Variants in BRWD1 observed in about 807,000 individuals in gnomAD.
BRWD1 encodes bromodomain and WD repeat domain containing 1.
BRWD1 carries 82 observed loss-of-function variants against 251.2 expected under a neutral mutation model. That is an observed-to-expected ratio of 0.33 (90% CI 0.27 to 0.39). The LOEUF is 0.39. Ranked by LOEUF, BRWD1 falls within the 10% of genes least tolerant of loss-of-function variation. BRWD1 has a pLI of 1.00. For missense variants in BRWD1, 2,233 were observed against 2,711.6 expected, an observed-to-expected ratio of 0.82 and a Z score of 3.92; for synonymous variants, 918 against 902.8, an observed-to-expected ratio of 1.02 and a Z score of -0.30.
intron 18 of BRWD1, among the ~76,000 whole-genome samples, chr21:39,256,636 C>T (rs1340550966): frequency 6.6e-6 from 1 of 152,128 alleles, no homozygotes; most frequent in African/African-American, 2.4e-5. Flanking sequence ...TAGGAGGCTG[C>T]GCAACCTCCC....
intron 8 of BRWD1, among the ~76,000 whole-genome samples, chr21:39,293,087 A>ACT (rs544132572): frequency 5.4e-4 from 82 of 152,342 alleles, no homozygotes; most frequent in African/African-American, 1.8e-3. Flanking sequence ...AGCAGTTAGG[A>ACT]AAGAATTGGC....
chr21:39,305,655 GAGAT>G (rs2036261939), intron 4 of BRWD1, among the ~76,000 whole-genome samples: 1 of 152,100 alleles, frequency 6.6e-6, no homozygotes, highest in African/African-American at 2.4e-5. Flanking sequence ...ACAAGGTCAA[GAGAT>G]AGAGACCATC....
Position 39,194,907 on chromosome 21 carries a change from G to A in BRWD1, c.*1352C>T. 6.6e-7 allele frequency: 1 copy of A among 1,516,946 alleles called. No homozygotes were observed. The highest frequency in any genetic ancestry group is 8.8e-7 in the Non-Finnish European group (1 of 1,136,866). 94.0% of individuals were successfully genotyped at this position (1,516,946 alleles called of 1,614,324 possible). On this transcript the variant is annotated 3_prime_UTR_variant, in exon 41 of 41. Coordinates refer to ENST00000342449, the MANE Select transcript of BRWD1 (RefSeq NM_033656.4). The stretch of plus-strand genomic sequence containing the variant: ...ATTAGGGCTAATAAATAACTTACAG[G>A]TGGGGTACTGTAACATATCCCTTAC...
Position 39,247,704 on chromosome 21 carries a change from T to G in BRWD1, c.2478A>C (p.Arg826Ser). 1 of 1,607,232 alleles carries G rather than the reference T, an allele frequency of 6.2e-7. No homozygotes were observed. The highest frequency in any genetic ancestry group is 8.5e-7 in the Non-Finnish European group (1 of 1,178,144). ...SSGNESSSSV[R>S]HETSCDQSEG... ...CATTTTAAAGTTTTCCACTCACATG[T>G]CTTACAGAGCTTGAAGACTCATTTC... Residue 826 changes from arginine to serine, a missense_variant, in exon 21 of 41, where the codon AGA becomes AGC. By Grantham distance (110) the Arg-to-Ser change is moderately radical (BLOSUM62 -1). Coordinates refer to ENST00000342449, the MANE Select transcript of BRWD1 (RefSeq NM_033656.4).
At chr21:39,204,861 C>T (rs1002998664) in intron 37 of BRWD1, among the ~76,000 whole-genome samples, 2 of 152,172 alleles carry the variant, frequency 1.3e-5, no homozygotes, top group Admixed American at 6.5e-5. Context: ...ACGGATCTGA[C>T]AGCAGACAGA....
chr21:39,265,872 G>C (rs1428199157), intron 15 of BRWD1, among the ~76,000 whole-genome samples: 2 of 152,138 alleles, frequency 1.3e-5, no homozygotes, highest in East Asian at 3.8e-4. Flanking sequence ...TTTCAGAAAG[G>C]ATGCTCTAAG....
intron 8 of BRWD1, among the ~76,000 whole-genome samples, chr21:39,285,411 C>A (rs929780754): frequency 2.0e-5 from 3 of 152,056 alleles, no homozygotes; most frequent in African/African-American, 7.2e-5. Flanking sequence ...TTCCATTACA[C>A]AGTAAGGTGA....
intron 31 of BRWD1, among the ~76,000 whole-genome samples, chr21:39,217,876 A>C (rs1043881462): frequency 1.9e-4 from 29 of 152,168 alleles, no homozygotes; most frequent in African/African-American, 7.0e-4. Context: ...AGTACCAGTG[A>C]AAGTTTACTG....
intron 4 of BRWD1, among the ~76,000 whole-genome samples, chr21:39,304,234 CA>C (rs554272084): frequency 0.02 from 2,594 of 129,636 alleles, 70 homozygotes; most frequent in African/African-American, 0.067. Context: ...CTTGATTAAT[CA>C]AAAAAAAAAA....
Position 39,189,355 on chromosome 21 carries a change from A to G in BRWD1, c.*6904T>C. 1.0e-6 allele frequency: 1 copy of G among 985,158 alleles called. No individual in the cohort carries two copies. The highest frequency in any genetic ancestry group is 1.2e-6 in the Non-Finnish European group (1 of 829,668). 61.0% of individuals were successfully genotyped at this position (985,158 alleles called of 1,614,324 possible). The stretch of plus-strand genomic sequence containing the variant: ...TAACAAAATGCTTTAAGTTGCAGAA[A>G]TTCCATTTTGATGTGTGATCAAAGT... On this transcript the variant is annotated 3_prime_UTR_variant, in exon 41 of 41. Coordinates refer to ENST00000342449, the MANE Select transcript of BRWD1 (RefSeq NM_033656.4).
At chr21:39,265,073 T>C in intron 15 of BRWD1, 54 bp from the exon 16 acceptor site, 1 of 1,563,806 alleles carries the variant, frequency 6.4e-7, no homozygotes, top group Non-Finnish European at 8.7e-7. Flanking sequence ...AGTGATTTGC[T>C]ATGTAAACTT....
In BRWD1 at chr21:39,232,586, T is replaced by C. The variant is rs1380365755; in HGVS notation, c.2767-88A>G. The C allele has an allele frequency of 2.1e-6, 3 of 1,460,474 alleles. No homozygotes were observed. In the African/African-American group the frequency reaches 4.4e-5, roughly 21 times the overall value. 90.5% of individuals were successfully genotyped at this position (1,460,474 alleles called of 1,614,324 possible). On this transcript the variant is annotated intron_variant, in intron 23 of 40. Coordinates refer to ENST00000342449, the MANE Select transcript of BRWD1 (RefSeq NM_033656.4). ...GAAAAATAAAAGAAACTTTCACCAT[T>C]CAGAATGACTATTTTTGCCATGTCC...
rs2031667220 is a variant in BRWD1, at chr21:39,193,656, G to GTGCAGCACTTATTTCTGGATAATAA, written c.*2602_*2603insTTATTATCCAGAAATAAGTGCTGCA. ...AGTTGAACTTCAAGTGCAGTGGAAA[G>GTGCAGCACTTATTTCTGGATAATAA]GTACAGCACTTATTTCTGGATCAGT... On this transcript the variant is annotated 3_prime_UTR_variant, in exon 41 of 41. Transcript: ENST00000342449. 1.0e-6 allele frequency: 1 copy of GTGCAGCACTTATTTCTGGATAATAA among 985,300 alleles called. No individual in the cohort carries two copies. Among genetic ancestry groups the GTGCAGCACTTATTTCTGGATAATAA allele is most frequent in the Admixed American group, 6.2e-5 (1 of 16,204 alleles). The allele number at this position is 985,300 out of a possible 1,614,324, so 61.0% of individuals were successfully genotyped here.
intron 28 of BRWD1, among the ~76,000 whole-genome samples, 165 bp from the exon 29 acceptor site, chr21:39,224,634 C>A (rs1254512196): frequency 6.6e-6 from 1 of 152,046 alleles, no homozygotes; most frequent in Non-Finnish European, 1.5e-5. Flanking sequence ...ATTAAAATAA[C>A]AGGTTTAAGA....
intron 8 of BRWD1, among the ~76,000 whole-genome samples, chr21:39,282,500 G>A (rs1213800450): frequency 6.6e-6 from 1 of 151,944 alleles, no homozygotes; most frequent in Non-Finnish European, 1.5e-5. Flanking sequence ...GGATATTTTT[G>A]TTAATTAAAA....
intron 8 of BRWD1, among the ~76,000 whole-genome samples, chr21:39,284,386 G>A (rs13347182): frequency 0.042 from 6,353 of 152,290 alleles, 133 homozygotes; most frequent in Middle Eastern, 0.092. Flanking sequence ...GGCTGAGGCA[G>A]GAGGATGACT....
chr21:39,318,352 G>A (rs1363066002), upstream of BRWD1, among the ~76,000 whole-genome samples: 4 of 152,164 alleles, frequency 2.6e-5, no homozygotes, highest in Non-Finnish European at 5.9e-5. Context: ...TGGAGAACAT[G>A]CAAAACAACT....
chr21:39,319,375 T>C (rs1411422092), intron 1 of BRWD1, among the ~76,000 whole-genome samples: 1 of 152,202 alleles, frequency 6.6e-6, no homozygotes, highest in Non-Finnish European at 1.5e-5. Context: ...GGCCCATGTC[T>C]GTCTCCAAGT....
At chr21:39,227,439 C>G (rs893928914) in intron 27 of BRWD1, among the ~76,000 whole-genome samples, 1 of 151,808 alleles carries the variant, frequency 6.6e-6, no homozygotes, top group Non-Finnish European at 1.5e-5. Context: ...GACAGTCATT[C>G]AATCATCAAT....
Sources: gnomAD v4.1 joint callset for allele counts (sites outside exome capture counted in the v4.1 genomes callset) on GRCh38, gnomAD v4.1.1 for gene constraint, MANE v1.5 for transcripts, NCBI Gene and HGNC (gene_info 2026-07-23, HGNC 2026-07-21) for gene names.